FBXO34: variants seen among roughly 807,000 people sequenced by gnomAD.
FBXO34 encodes the protein F-box only protein 34.
In FBXO34, 12 loss-of-function variants were observed where a neutral mutation model predicts 24.5. The observed-to-expected ratio is 0.49, with a 90% CI of 0.31 to 0.79. The LOEUF (loss-of-function observed/expected upper bound fraction) is 0.79. Ranked by LOEUF, FBXO34 falls within the 30% of genes least tolerant of loss-of-function variation. The pLI, the probability that FBXO34 is intolerant of heterozygous loss-of-function variation, is 0.04. For missense variants in FBXO34, 823 were observed against 857.7 expected, an observed-to-expected ratio of 0.96 and a Z score of 0.51; for synonymous variants, 320 against 311.9, an observed-to-expected ratio of 1.03 and a Z score of -0.27.
chr14:55,283,976 CTGTGTGTGTGTG>C, intron 1 of FBXO34, among the ~76,000 whole-genome samples: 1 of 108,858 alleles, frequency 9.2e-6, no homozygotes, highest in South Asian at 3.1e-4. Flanking sequence ...GTGTGTGTGT[CTGTGTGTGTGTG>C]TATGTGTATG....
chr14:55,441,888 G>A, the FBXO34 span, among the ~76,000 whole-genome samples: 3 of 151,728 alleles, frequency 2.0e-5, no homozygotes, highest in South Asian at 4.2e-4. Flanking sequence ...TCAGTCTCCC[G>A]AGTAGCTGGG....
the FBXO34 span, among the ~76,000 whole-genome samples, chr14:55,388,086 G>A: frequency 1.3e-5 from 2 of 152,016 alleles, no homozygotes; most frequent in East Asian, 1.9e-4. Context: ...GCAGTGAGCC[G>A]AGATCGTGCC....
downstream of FBXO34, among the ~76,000 whole-genome samples, chr14:55,370,866 C>G (rs1009578267): frequency 6.6e-6 from 1 of 152,122 alleles, no homozygotes; most frequent in Non-Finnish European, 1.5e-5. Context: ...GTCTTGAACT[C>G]CTGACCTCAA....
intron 1 of FBXO34, among the ~76,000 whole-genome samples, chr14:55,278,625 T>C (rs1881424725): frequency 6.6e-6 from 1 of 152,216 alleles, no homozygotes; most frequent in South Asian, 2.1e-4. Context: ...ATAGGACTAC[T>C]GTACAAAGAA....
At chr14:55,283,349 C>T (rs752873889) in intron 1 of FBXO34, among the ~76,000 whole-genome samples, 15 of 152,052 alleles carry the variant, frequency 9.9e-5, no homozygotes, top group South Asian at 2.1e-4. Context: ...ATTTTATATG[C>T]GAGGTAGTAT....
chr14:55,329,281 A>G (rs963700682), intron 1 of FBXO34, among the ~76,000 whole-genome samples: 3 of 152,044 alleles, frequency 2.0e-5, no homozygotes, highest in Non-Finnish European at 4.4e-5. Flanking sequence ...GATGTGTACT[A>G]GTTAACTTTG....
At chr14:55,285,796 A>T (rs1006888304) in intron 1 of FBXO34, among the ~76,000 whole-genome samples, 8 of 152,274 alleles carry the variant, frequency 5.3e-5, no homozygotes, top group African/African-American at 1.9e-4. Flanking sequence ...ACACTTGTTC[A>T]TGTTTCTCAT....
At chr14:55,390,613 C>T in the FBXO34 span, among the ~76,000 whole-genome samples, 3 of 152,148 alleles carry the variant, frequency 2.0e-5, no homozygotes, top group Non-Finnish European at 2.9e-5. Context: ...CCTTGTGATC[C>T]GCCTGCCTCA....
At position 55,348,824 on chromosome 14, in the gene FBXO34, C is replaced by T. The variant is rs555793447; in HGVS notation, c.-10-1557C>T. On this transcript the variant is annotated intron_variant, in intron 1 of 1. Transcript: ENST00000313833. ...AGGTGAAAGGTAAACTTGTTCCAGA[C>T]GATCACTTTCATTCTTGGTGATTAA... 5.3e-5 allele frequency among the ~76,000 whole-genome samples: 8 copies of T among 152,238 alleles called. No homozygotes were observed. In the South Asian group the frequency reaches 6.2e-4, roughly 12 times the overall value.
chr14:55,416,319 TG>T, the FBXO34 span, among the ~76,000 whole-genome samples: 2 of 152,248 alleles, frequency 1.3e-5, no homozygotes, highest in South Asian at 4.2e-4. Flanking sequence ...AGGGCAGGCA[TG>T]GTGGCTCACA....
At chr14:55,347,326 T>A (rs564388020) in intron 1 of FBXO34, among the ~76,000 whole-genome samples, 16 of 152,288 alleles carry the variant, frequency 1.1e-4, no homozygotes, top group Non-Finnish European at 1.9e-4. Context: ...GTTTTTGCTT[T>A]ATGGATTTTT....
the FBXO34 span, among the ~76,000 whole-genome samples, chr14:55,408,700 G>A: frequency 6.6e-6 from 1 of 152,190 alleles, no homozygotes; most frequent in African/African-American, 2.4e-5. Flanking sequence ...GAGCCCAGGA[G>A]TCTGAGGCTG....
intron 1 of FBXO34, among the ~76,000 whole-genome samples, chr14:55,314,260 A>G (rs1031538159): frequency 2.0e-5 from 3 of 152,160 alleles, no homozygotes; most frequent in Admixed American, 2.0e-4. Flanking sequence ...TGAAAAAAAA[A>G]TGGATTTTGT....
the FBXO34 span, chr14:55,381,895 T>C: frequency 2.1e-6 from 3 of 1,395,670 alleles, no homozygotes; most frequent in South Asian, 2.4e-5. Context: ...AGCTCTTCAT[T>C]TTGTTATGTC....
chr14:55,348,529 A>T (rs1884235003), intron 1 of FBXO34, among the ~76,000 whole-genome samples: 1 of 152,138 alleles, frequency 6.6e-6, no homozygotes, highest in Non-Finnish European at 1.5e-5. Context: ...GCCATATGGC[A>T]GCCTCTATGG....
chr14:55,377,851 G>T, the FBXO34 span: 1 of 1,601,746 alleles, frequency 6.2e-7, no homozygotes, highest in Non-Finnish European at 8.5e-7. Flanking sequence ...GACTGACCAG[G>T]TACATTAGAT....
intron 1 of FBXO34, among the ~76,000 whole-genome samples, chr14:55,341,021 G>T (rs954438534): frequency 1.3e-5 from 2 of 152,140 alleles, no homozygotes; most frequent in African/African-American, 4.8e-5. Context: ...AGAAAAAACT[G>T]ATACTTGTTA....
chr14:55,393,993 C>A, the FBXO34 span, among the ~76,000 whole-genome samples: 2 of 151,518 alleles, frequency 1.3e-5, no homozygotes, highest in African/African-American at 2.4e-5. Flanking sequence ...TTAACAACTA[C>A]ACAGTATCAT....
chr14:55,274,019 T>C (rs113563539), intron 1 of FBXO34, among the ~76,000 whole-genome samples: 8,902 of 152,244 alleles, frequency 0.058, 331 homozygotes, highest in South Asian at 0.089. Flanking sequence ...TTGGCCAGGC[T>C]GGTCATGAAC....
Sources: allele counts gnomAD v4.1 joint callset (sites outside exome capture counted in the v4.1 genomes callset), GRCh38; gene constraint gnomAD v4.1.1; transcripts MANE v1.5; gene names NCBI Gene and HGNC (gene_info 2026-07-23, HGNC 2026-07-21).